Variants in RIMS1 observed in about 807,000 individuals in gnomAD.
The protein encoded by RIMS1 is regulating synaptic membrane exocytosis 1, also known as regulating synaptic membrane exocytosis protein 1.
Under a neutral mutation model 214.1 loss-of-function variants are expected in RIMS1, and 83 were observed. The ratio of observed to expected loss-of-function variants is 0.39; its 90% CI spans 0.32 to 0.47. The LOEUF is 0.47. RIMS1 is among the 20% of genes least tolerant of loss of function. The pLI is 0.99. For missense variants in RIMS1, 2,050 were observed against 2,161.8 expected, an observed-to-expected ratio of 0.95 and a Z score of 1.03; for synonymous variants, 793 against 786.8, an observed-to-expected ratio of 1.01 and a Z score of -0.13.
At chr6:71,915,756 C>A (rs951577371) in intron 1 of RIMS1, among the ~76,000 whole-genome samples, 1 of 152,012 alleles carries the variant, frequency 6.6e-6, no homozygotes, top group Non-Finnish European at 1.5e-5. Flanking sequence ...GTTCTTACAC[C>A]GCCAATAAAG....
intron 2 of RIMS1, among the ~76,000 whole-genome samples, chr6:72,081,704 C>A (rs964128530): frequency 8.5e-5 from 13 of 152,048 alleles, no homozygotes; most frequent in African/African-American, 3.1e-4. Context: ...ATATAGAATA[C>A]ATCTGCATTT....
intron 1 of RIMS1, among the ~76,000 whole-genome samples, chr6:71,902,710 T>G (rs1057264971): frequency 6.6e-6 from 1 of 152,026 alleles, no homozygotes; most frequent in Non-Finnish European, 1.5e-5. Context: ...CCAGCGTGTA[T>G]TGTTTCTCTC....
Position 72,329,939 on chromosome 6 carries a change from A to G in RIMS1, c.4131-3661A>G, listed in dbSNP as rs538142691. 7.9e-5 allele frequency among the ~76,000 whole-genome samples: 12 copies of G among 151,928 alleles called. No individual in the cohort carries two copies. In the East Asian group the frequency reaches 2.1e-3, roughly 27 times the overall value. ...TATATAAATCTGGAGTCCAGGGCTG[A>G]GTACAAGGTGCAGGAAAACAATTGG... is the stretch of plus-strand genomic sequence containing the variant. On this transcript the variant is annotated intron_variant, in intron 28 of 33. Transcript: ENST00000521978.
chr6:72,050,274 A>G (rs1824264076), intron 2 of RIMS1, among the ~76,000 whole-genome samples: 1 of 152,198 alleles, frequency 6.6e-6, no homozygotes, highest in East Asian at 1.9e-4. Flanking sequence ...TAGACATCAA[A>G]TTATTTGTTT....
intron 2 of RIMS1, among the ~76,000 whole-genome samples, chr6:72,026,830 G>T (rs1436264917): frequency 6.6e-6 from 1 of 152,056 alleles, no homozygotes; most frequent in East Asian, 1.9e-4. Context: ...TCTTCAAAAA[G>T]CTTTTAAAGC....
chr6:72,006,447 G>A (rs910354457), intron 2 of RIMS1, among the ~76,000 whole-genome samples: 20 of 152,176 alleles, frequency 1.3e-4, no homozygotes, highest in African/African-American at 4.6e-4. Flanking sequence ...CTGAGGTACT[G>A]GGTTCATCTA....
At chr6:72,208,413 G>A (rs760262804) in intron 6 of RIMS1, among the ~76,000 whole-genome samples, 9 of 152,146 alleles carry the variant, frequency 5.9e-5, no homozygotes, top group Non-Finnish European at 8.8e-5. Flanking sequence ...TTCCATTCCC[G>A]TAAGATCAAT....
chr6:72,216,637 A>C, intron 6 of RIMS1: 1 of 985,608 alleles, frequency 1.0e-6, no homozygotes, highest in Non-Finnish European at 1.2e-6. Context: ...AAATCATTTC[A>C]GGTGAGTTTT....
chr6:71,952,374 CA>C (rs781775569), intron 1 of RIMS1, among the ~76,000 whole-genome samples: 41 of 152,212 alleles, frequency 2.7e-4, no homozygotes, highest in Non-Finnish European at 3.7e-4. Flanking sequence ...TATTATGTGC[CA>C]GACAATTTTC....
At chr6:72,324,119 A>G (rs187105379) in intron 28 of RIMS1, among the ~76,000 whole-genome samples, 9 of 152,040 alleles carry the variant, frequency 5.9e-5, no homozygotes, top group Admixed American at 1.3e-4. Flanking sequence ...CAGCACTACA[A>G]AAAATACTAA....
intron 1 of RIMS1, among the ~76,000 whole-genome samples, chr6:71,955,469 T>G (rs751777657): frequency 2.0e-5 from 3 of 152,176 alleles, no homozygotes; most frequent in Non-Finnish European, 4.4e-5. Context: ...GCCCAACTTA[T>G]GAACATTCTG....
intron 29 of RIMS1, among the ~76,000 whole-genome samples, chr6:72,380,820 C>T (rs1039205905): frequency 2.6e-5 from 4 of 152,102 alleles, no homozygotes; most frequent in African/African-American, 9.7e-5. Flanking sequence ...GCATAAGCCA[C>T]CATGCCTGGC....
At chr6:71,995,123 A>G (rs1802993724) in intron 2 of RIMS1, among the ~76,000 whole-genome samples, 1 of 151,988 alleles carries the variant, frequency 6.6e-6, no homozygotes, top group Non-Finnish European at 1.5e-5. Flanking sequence ...AAGAAAAGAC[A>G]TGTGATGTAG....
intron 1 of RIMS1, among the ~76,000 whole-genome samples, chr6:71,900,557 G>A (rs934054661): frequency 6.6e-6 from 1 of 152,092 alleles, no homozygotes; most frequent in Non-Finnish European, 1.5e-5. Flanking sequence ...GATGTTAGAA[G>A]CAGAAACTTT....
intron 29 of RIMS1, among the ~76,000 whole-genome samples, chr6:72,351,852 T>G (rs547874568): frequency 6.6e-6 from 1 of 152,326 alleles, no homozygotes; most frequent in East Asian, 1.9e-4. Context: ...TTATAACATG[T>G]ATATCTATAT....
intron 16 of RIMS1, among the ~76,000 whole-genome samples, chr6:72,256,052 T>C (rs980347371): frequency 2.0e-5 from 3 of 148,456 alleles, no homozygotes; most frequent in African/African-American, 7.5e-5. Flanking sequence ...AAAAATTTAA[T>C]CCCAGTCATG....
intron 4 of RIMS1, among the ~76,000 whole-genome samples, chr6:72,106,970 T>G (rs888077860): frequency 6.6e-6 from 1 of 152,216 alleles, no homozygotes; most frequent in Non-Finnish European, 1.5e-5. Flanking sequence ...CTTTCATACC[T>G]ATTTTCAGTT....
At chr6:72,355,508 A>G (rs986672810) in intron 29 of RIMS1, among the ~76,000 whole-genome samples, 1 of 152,032 alleles carries the variant, frequency 6.6e-6, no homozygotes. Flanking sequence ...TTTTTTCCTT[A>G]TATCCAAAAG....
chr6:71,948,207 T>G (rs1224174169), intron 1 of RIMS1, among the ~76,000 whole-genome samples: 1 of 152,170 alleles, frequency 6.6e-6, no homozygotes, highest in Non-Finnish European at 1.5e-5. Flanking sequence ...TACATATTAC[T>G]AAATGCTGAG....
Sources: allele counts gnomAD v4.1 joint callset (sites outside exome capture counted in the v4.1 genomes callset), GRCh38; gene constraint gnomAD v4.1.1; transcripts MANE v1.5; gene names NCBI Gene and HGNC (gene_info 2026-07-23, HGNC 2026-07-21).